Variants in OCA2 observed in about 807,000 individuals in gnomAD.
OCA2 encodes OCA2 melanosomal transmembrane protein.
OCA2 carries 77 observed loss-of-function variants against 100.2 expected under a neutral mutation model. The ratio of observed to expected loss-of-function variants is 0.77; its 90% CI spans 0.64 to 0.93. OCA2 has a LOEUF of 0.93. OCA2 is among the 40% of genes least tolerant of loss of function. The pLI is 0.00. For synonymous variants in OCA2, 432 were observed against 439.2 expected, an observed-to-expected ratio of 0.98 and a Z score of 0.21; for missense variants, 1,062 against 1,089.1, an observed-to-expected ratio of 0.98 and a Z score of 0.35.
At chr15:27,788,206 G>T (rs1031195224) in intron 23 of OCA2, among the ~76,000 whole-genome samples, 2 of 151,308 alleles carry the variant, frequency 1.3e-5, no homozygotes, top group Non-Finnish European at 3.0e-5. Context: ...TTCTGCCTTT[G>T]TTGGGTTGAC....
chr15:27,726,276 C>A, the OCA2 span, among the ~76,000 whole-genome samples: 1 of 150,734 alleles, frequency 6.6e-6, no homozygotes, highest in East Asian at 1.9e-4. Context: ...CTAGCCTGGG[C>A]GACAGAGCGA....
intron 3 of OCA2, among the ~76,000 whole-genome samples, chr15:28,029,317 C>G (rs1293641982): frequency 6.6e-6 from 1 of 152,078 alleles, no homozygotes; most frequent in East Asian, 1.9e-4. Flanking sequence ...AGTCGATAAT[C>G]CTATCAATTT....
intron 19 of OCA2, chr15:27,896,330 G>A (rs2151623088): frequency 1.2e-6 from 1 of 829,736 alleles, no homozygotes; most frequent in Admixed American, 1.7e-5. Context: ...ACTTAATGGA[G>A]GAAGATGAAG....
At chr15:27,974,091 G>C (rs1400085597) in intron 14 of OCA2, among the ~76,000 whole-genome samples, 2 of 152,112 alleles carry the variant, frequency 1.3e-5, no homozygotes, top group Admixed American at 6.6e-5. Flanking sequence ...GAGGAGTCTA[G>C]ACTTTTCTAG....
At chr15:27,921,606 G>A (rs192884874) in intron 19 of OCA2, among the ~76,000 whole-genome samples, 59 of 152,274 alleles carry the variant, frequency 3.9e-4, no homozygotes, top group African/African-American at 1.3e-3. Context: ...TCGAAAATCC[G>A]TGTATAAATT....
chr15:27,950,882 T>C (rs552601132), intron 18 of OCA2, among the ~76,000 whole-genome samples: 23 of 152,316 alleles, frequency 1.5e-4, no homozygotes, highest in Middle Eastern at 3.4e-3. Flanking sequence ...CAAGGTTTTA[T>C]ACAAAATAAG....
At chr15:27,871,651 T>C (rs1262890102) in intron 20 of OCA2, among the ~76,000 whole-genome samples, 1 of 152,196 alleles carries the variant, frequency 6.6e-6, no homozygotes, top group Non-Finnish European at 1.5e-5. Context: ...AAATAAAGGC[T>C]AAAAGCAAAA....
chr15:28,042,679 T>G (rs554045685), intron 2 of OCA2, among the ~76,000 whole-genome samples: 1 of 151,394 alleles, frequency 6.6e-6, no homozygotes, highest in African/African-American at 2.4e-5. Flanking sequence ...AATAAATAAA[T>G]AAAATGCTTT....
chr15:27,816,029 G>GAGGC (rs2034285208), intron 23 of OCA2, among the ~76,000 whole-genome samples: 2 of 152,176 alleles, frequency 1.3e-5, no homozygotes, highest in Admixed American at 1.3e-4. Context: ...AGCTACTCAG[G>GAGGC]AGGCTGAGGC....
chr15:27,876,157 T>C (rs2036782335), intron 19 of OCA2, among the ~76,000 whole-genome samples: 1 of 152,128 alleles, frequency 6.6e-6, no homozygotes, highest in African/African-American at 2.4e-5. Context: ...TTTTCAAAAA[T>C]GCCTTTCATC....
intron 14 of OCA2, among the ~76,000 whole-genome samples, chr15:27,970,271 T>C (rs755329495): frequency 6.7e-6 from 1 of 148,164 alleles, no homozygotes; most frequent in Non-Finnish European, 1.5e-5. Flanking sequence ...AGATATTAAA[T>C]AGGTGTGTGG....
At chr15:27,913,455 T>G (rs768700035) in intron 19 of OCA2, among the ~76,000 whole-genome samples, 4 of 152,100 alleles carry the variant, frequency 2.6e-5, no homozygotes, top group Non-Finnish European at 4.4e-5. Context: ...CTCAAATTAT[T>G]ATAATCCAAA....
chr15:27,732,163 T>C, the OCA2 span, among the ~76,000 whole-genome samples: 1 of 152,222 alleles, frequency 6.6e-6, no homozygotes, highest in East Asian at 1.9e-4. Flanking sequence ...CCAAAATTTA[T>C]ACTTGAAAAC....
rs544981736 is a variant in OCA2 at position 28,060,023 on chromosome 15, C to T, written c.227+21625G>A. ...GGGAAGGCTGTGGGCGAGCACACGC[C>T]GCATGCCCCTCATGCAACCCGCTGC... is the stretch of plus-strand genomic sequence containing the variant. On this transcript the variant is annotated intron_variant, in intron 2 of 23. Coordinates refer to ENST00000354638, the MANE Select transcript of OCA2 (RefSeq NM_000275.3). Among the ~76,000 whole-genome samples the T allele has an allele frequency of 3.6e-4, 55 of 152,374 alleles. 2 individuals carry two copies. The South Asian group carries it at 0.011, about 31-fold the overall frequency.
intron 12 of OCA2, 141 bp from the exon 13 acceptor site, chr15:27,985,329 AGG>A (rs1394169207): frequency 1.1e-5 from 11 of 970,676 alleles, no homozygotes; most frequent in African/African-American, 1.1e-4. Context: ...ACGGAGTCCT[AGG>A]GGGGCCGAGA....
chr15:27,847,272 G>C (rs2035571881), intron 22 of OCA2, among the ~76,000 whole-genome samples: 1 of 152,222 alleles, frequency 6.6e-6, no homozygotes, highest in Non-Finnish European at 1.5e-5. Flanking sequence ...GTAAGGAGAA[G>C]CCTGGAGACA....
intron 14 of OCA2, among the ~76,000 whole-genome samples, chr15:27,972,787 T>C (rs1162334093): frequency 1.3e-5 from 2 of 151,750 alleles, no homozygotes; most frequent in Non-Finnish European, 2.9e-5. Flanking sequence ...AAACATTGTC[T>C]CCCATTCTGT....
intron 10 of OCA2, among the ~76,000 whole-genome samples, chr15:27,990,321 A>G (rs929484400): frequency 6.6e-6 from 1 of 152,154 alleles, no homozygotes; most frequent in African/African-American, 2.4e-5. Flanking sequence ...CTAGGCAAAC[A>G]TGCCCATGAG....
At chr15:28,022,430 G>C in intron 6 of OCA2, 71 bp downstream of exon 6, 1 of 1,115,142 alleles carries the variant, frequency 9.0e-7, no homozygotes, top group African/African-American at 1.5e-5. Context: ...AGTCACAACC[G>C]TCTGCAAGTG....
Sources: allele counts gnomAD v4.1 joint callset (sites outside exome capture counted in the v4.1 genomes callset), GRCh38; gene constraint gnomAD v4.1.1; transcripts MANE v1.5; gene names NCBI Gene and HGNC (gene_info 2026-07-23, HGNC 2026-07-21).